Variants in VWA8 observed in about 807,000 individuals in gnomAD.
The protein encoded by VWA8 is von Willebrand factor A domain containing 8.
Under a neutral mutation model 241.5 loss-of-function variants are expected in VWA8, and 221 were observed. That is an observed-to-expected ratio of 0.91 (90% CI 0.82 to 1.02). The LOEUF is 1.02. VWA8 is among the 50% of genes least tolerant of loss of function. The probability of loss-of-function intolerance (pLI) is 0.00; values close to 1 mark genes in which losing one functional copy is unlikely to be tolerated. For synonymous variants in VWA8, 852 were observed against 827.1 expected (o/e 1.03, Z -0.52); for missense variants, 2,322 against 2,328.7 (o/e 1.00, Z 0.06).
chr13:41,634,919 A>G (rs1161996495), intron 37 of VWA8, among the ~76,000 whole-genome samples: 1 of 152,118 alleles, frequency 6.6e-6, no homozygotes, highest in Non-Finnish European at 1.5e-5. Context: ...AATTTTTTTG[A>G]AAGGCAGCTT....
intron 2 of VWA8, among the ~76,000 whole-genome samples, chr13:41,929,630 T>C (rs550514537): frequency 6.6e-6 from 1 of 152,316 alleles, no homozygotes; most frequent in East Asian, 1.9e-4. Flanking sequence ...CAACCAATTT[T>C]TGACAAGGGC....
chr13:41,942,396 A>G (rs1250730401), intron 2 of VWA8, among the ~76,000 whole-genome samples: 1 of 152,240 alleles, frequency 6.6e-6, no homozygotes, highest in Non-Finnish European at 1.5e-5. Flanking sequence ...AGAAGCCTAC[A>G]TGAACTAAAT....
chr13:41,886,714 A>G lies in VWA8; in HGVS notation c.866+67T>C, dbSNP rs188197686. The stretch of plus-strand genomic sequence containing the variant: ...GTTGAATGACTGAATTAATTAATCA[A>G]TCAATCAATGAACAGGCAAAACAAA... On this transcript the variant is annotated intron_variant, in intron 7 of 44. Coordinates refer to ENST00000379310, the MANE Select transcript of VWA8 (RefSeq NM_015058.2). The G allele has an allele frequency of 1.4e-3, 1,795 of 1,271,464 alleles. 3 individuals carry two copies. The highest frequency in any genetic ancestry group is 1.6e-3 in the Non-Finnish European group (1,462 of 898,444). 78.8% of individuals were successfully genotyped at this position (1,271,464 alleles called of 1,614,324 possible).
chr13:41,681,497 T>TA (rs1038634729), intron 35 of VWA8, among the ~76,000 whole-genome samples: 1 of 152,078 alleles, frequency 6.6e-6, no homozygotes, highest in Non-Finnish European at 1.5e-5. Context: ...TTTAAAAACA[T>TA]AAAAAAAGCT....
At chr13:41,575,399 A>AAAC (rs2044344128) in intron 43 of VWA8, among the ~76,000 whole-genome samples, 1 of 152,150 alleles carries the variant, frequency 6.6e-6, no homozygotes, top group African/African-American at 2.4e-5. Flanking sequence ...CGTACCCCAA[A>AAAC]AACTATTGAA....
intron 37 of VWA8, among the ~76,000 whole-genome samples, chr13:41,654,161 T>C (rs2044886245): frequency 6.6e-6 from 1 of 152,172 alleles, no homozygotes; most frequent in African/African-American, 2.4e-5. Context: ...ATCACCACTT[T>C]GCAACTATAG....
At chr13:41,868,635 C>T (rs1430331367) in intron 9 of VWA8, among the ~76,000 whole-genome samples, 158 bp from the exon 10 acceptor site, 3 of 151,798 alleles carry the variant, frequency 2.0e-5, no homozygotes, top group African/African-American at 7.3e-5. Flanking sequence ...CTGTTAATCC[C>T]AGAACTTTGG....
chr13:41,928,798 GA>G (rs1566042776), intron 2 of VWA8, among the ~76,000 whole-genome samples: 1 of 148,112 alleles, frequency 6.8e-6, no homozygotes, highest in South Asian at 2.1e-4. Context: ...GAGGTTTTTT[GA>G]AAAAATAAAA....
rs562182010 is a variant in VWA8 at position 41,850,993 on chromosome 13, T to C, written c.1425+14743A>G. On this transcript the variant is annotated intron_variant, in intron 12 of 44. Coordinates refer to ENST00000379310, the MANE Select transcript of VWA8 (RefSeq NM_015058.2). ...CAAAGTGAAAAGCTCAACAAAGAGA[T>C]AGAAACCATAGTTACATATTTTTTG... Among the ~76,000 whole-genome samples the C allele has an allele frequency of 5.3e-4, 81 of 152,278 alleles. 5 individuals carry two copies. Among genetic ancestry groups the C allele is most frequent in the African/African-American group, 1.9e-3 (79 of 41,562 alleles).
chr13:41,932,640 G>A (rs1877177172), intron 2 of VWA8, among the ~76,000 whole-genome samples: 1 of 151,442 alleles, frequency 6.6e-6, no homozygotes, highest in South Asian at 2.1e-4. Flanking sequence ...ATGAGAAGTT[G>A]AAAAGTTAGC....
chr13:41,845,332 C>T (rs575627105), intron 12 of VWA8, among the ~76,000 whole-genome samples: 2 of 151,998 alleles, frequency 1.3e-5, no homozygotes, highest in East Asian at 1.9e-4. Context: ...CAAATGCTGG[C>T]GAGATTGTGG....
At chr13:41,690,435 A>C (rs1327022847) in intron 32 of VWA8, among the ~76,000 whole-genome samples, 160 bp from the exon 33 acceptor site, 1 of 152,152 alleles carries the variant, frequency 6.6e-6, no homozygotes, top group African/African-American at 2.4e-5. Context: ...ATAACTTCTC[A>C]ACACTGTGTT....
intron 12 of VWA8, among the ~76,000 whole-genome samples, chr13:41,843,723 C>T (rs1286524117): frequency 6.6e-6 from 1 of 151,564 alleles, no homozygotes. Context: ...TCTCTGCACA[C>T]AACTAGAAAA....
chr13:41,881,711 G>A (rs1274200146), intron 9 of VWA8, among the ~76,000 whole-genome samples: 6 of 147,340 alleles, frequency 4.1e-5, no homozygotes, highest in Admixed American at 2.7e-4. Context: ...CGGACGGGGC[G>A]GCTGGCCGGG....
At chr13:41,745,195 T>C (rs2045595965) in intron 21 of VWA8, among the ~76,000 whole-genome samples, 1 of 152,084 alleles carries the variant, frequency 6.6e-6, no homozygotes, top group African/African-American at 2.4e-5. Context: ...AATGTGCAGG[T>C]TTGTTACATA....
intron 4 of VWA8, among the ~76,000 whole-genome samples, chr13:41,897,216 G>A (rs569998203): frequency 2.6e-4 from 39 of 150,400 alleles, no homozygotes; most frequent in Non-Finnish European, 4.7e-4. Flanking sequence ...CAAATCAATT[G>A]CAAAAAAAAA....
chr13:41,607,904 T>C (rs950663805), intron 39 of VWA8, among the ~76,000 whole-genome samples: 5 of 152,238 alleles, frequency 3.3e-5, no homozygotes, highest in African/African-American at 1.2e-4. Context: ...CAGGGAATAA[T>C]GAACATACGT....
chr13:41,908,870 A>G (rs1875853558), intron 3 of VWA8, among the ~76,000 whole-genome samples: 1 of 152,266 alleles, frequency 6.6e-6, no homozygotes, highest in South Asian at 2.1e-4. Flanking sequence ...TTACTTAAGT[A>G]TAATGGAAAA....
chr13:41,800,894 C>T (rs1228983683), intron 17 of VWA8, among the ~76,000 whole-genome samples: 1 of 151,670 alleles, frequency 6.6e-6, no homozygotes, highest in East Asian at 1.9e-4. Context: ...TATTTCTTGT[C>T]AATATTGTCT....
Sources: gnomAD v4.1 joint callset for allele counts (sites outside exome capture counted in the v4.1 genomes callset) on GRCh38, gnomAD v4.1.1 for gene constraint, MANE v1.5 for transcripts, NCBI Gene and HGNC (gene_info 2026-07-23, HGNC 2026-07-21) for gene names.